The following BTLA variants were observed in gnomAD, a reference collection of about 807,000 sequenced individuals.
The protein encoded by BTLA is B and T lymphocyte associated.
In BTLA, 11 loss-of-function variants were observed where a neutral mutation model predicts 25.0. That is an observed-to-expected ratio of 0.44 (90% CI 0.28 to 0.73). The LOEUF is 0.73. BTLA is among the 30% of genes least tolerant of loss of function. The probability of loss-of-function intolerance (pLI) is 0.15; values close to 1 mark genes in which losing one functional copy is unlikely to be tolerated. For missense variants in BTLA, 282 were observed against 332.8 expected (o/e 0.85, Z 1.19); for synonymous variants, 104 against 119.8 (o/e 0.87, Z 0.86).
intron 3 of BTLA, chr3:112,470,340 A>G (rs2082255647): frequency 6.6e-6 from 1 of 152,138 alleles, no homozygotes; most frequent in Admixed American, 6.6e-5. Context: ...AAGGTTCTGA[A>G]CTCCAGAAGT....
chr3:112,498,112 C>T (rs767922313), intron 1 of BTLA, among the ~76,000 whole-genome samples: 11 of 152,094 alleles, frequency 7.2e-5, no homozygotes, highest in Non-Finnish European at 1.5e-4. Context: ...CTACTTCTTG[C>T]GAAAATGCTC....
At chr3:112,491,730 C>A (rs1019761006) in intron 1 of BTLA, among the ~76,000 whole-genome samples, 8 of 152,192 alleles carry the variant, frequency 5.3e-5, no homozygotes, top group Non-Finnish European at 1.0e-4. Flanking sequence ...TTAGGGAAAT[C>A]ACACAGAAGT....
intron 4 of BTLA, 85 bp downstream of exon 4, chr3:112,469,673 A>G (rs1359275508): frequency 4.4e-6 from 4 of 900,232 alleles, no homozygotes; most frequent in Middle Eastern, 3.2e-4. Context: ...TGCCTGGCAC[A>G]TGGTGTTATA....
chr3:112,474,224 T>G (rs1348766597), intron 2 of BTLA, among the ~76,000 whole-genome samples: 1 of 152,078 alleles, frequency 6.6e-6, no homozygotes, highest in African/African-American at 2.4e-5. Flanking sequence ...CAGGAAAAAA[T>G]AAAATATTTT....
chr3:112,474,966 G>A (rs188944673), intron 2 of BTLA, among the ~76,000 whole-genome samples: 90 of 152,310 alleles, frequency 5.9e-4, no homozygotes, highest in African/African-American at 2.1e-3. Context: ...GGGATGCTAT[G>A]CAAGAGAGTG....
Position 112,499,253 on chromosome 3 carries a change from C to A in BTLA, c.88+18G>T, listed in dbSNP as rs755424918. On this transcript the variant is annotated intron_variant, in intron 1 of 4. Coordinates refer to ENST00000334529, the MANE Select transcript of BTLA (RefSeq NM_181780.4). ...CCCTGAGAAATAAAACCAGAAATAACCTAAGCAGGTGCCTTACCATGGATG... is the reference window on the plus strand; with the variant it reads ...CCCTGAGAAATAAAACCAGAAATAAACTAAGCAGGTGCCTTACCATGGATG... 3 of 1,540,822 alleles carry A rather than the reference C, an allele frequency of 1.9e-6. No homozygotes were observed. Among genetic ancestry groups the A allele is most frequent in the Non-Finnish European group, 2.7e-6 (3 of 1,113,966 alleles).
At chr3:112,486,490 G>T (rs528142804) in intron 1 of BTLA, among the ~76,000 whole-genome samples, 38 of 151,890 alleles carry the variant, frequency 2.5e-4, no homozygotes, top group Non-Finnish European at 3.7e-4. Flanking sequence ...TACAAAAAAA[G>T]AAAAATGCAC....
intron 4 of BTLA, among the ~76,000 whole-genome samples, chr3:112,466,704 T>C (rs1437318274): frequency 6.6e-6 from 1 of 152,134 alleles, no homozygotes; most frequent in Non-Finnish European, 1.5e-5. Flanking sequence ...GCAAAAAATA[T>C]CCTATGAAAA....
chr3:112,484,881 AC>A (rs2082337940), intron 1 of BTLA, among the ~76,000 whole-genome samples: 1 of 152,120 alleles, frequency 6.6e-6, no homozygotes, highest in South Asian at 2.1e-4. Flanking sequence ...GGAGGAATGA[AC>A]CGATGATGAA....
chr3:112,478,696 G>T (rs1001400190), intron 2 of BTLA, among the ~76,000 whole-genome samples: 6 of 152,098 alleles, frequency 3.9e-5, no homozygotes, highest in African/African-American at 7.2e-5. Context: ...TCCATGTCTT[G>T]TTCCTGTTCT....
intron 1 of BTLA, among the ~76,000 whole-genome samples, chr3:112,483,011 T>C (rs2082325513): frequency 6.6e-6 from 1 of 152,166 alleles, no homozygotes; most frequent in South Asian, 2.1e-4. Flanking sequence ...TAATGGTTTA[T>C]GGAGCCTCTA....
chr3:112,472,434 C>T (rs1380424318), intron 2 of BTLA, among the ~76,000 whole-genome samples: 1 of 151,986 alleles, frequency 6.6e-6, no homozygotes, highest in East Asian at 1.9e-4. Flanking sequence ...TGGTGGCTCA[C>T]ACCTGTAATC....
Position 112,494,555 on chromosome 3 carries a change from C to T in BTLA, c.88+4716G>A, listed in dbSNP as rs536828390. 9.9e-5 allele frequency among the ~76,000 whole-genome samples: 15 copies of T among 152,246 alleles called. No individual in the cohort carries two copies. In the East Asian group the frequency reaches 2.3e-3, roughly 23 times the overall value. ...AAAAGAAAATATGGTACATATACAC[C>T]GTGGAATACTATGCAGCCATAAAAA... On this transcript the variant is annotated intron_variant, in intron 1 of 4. Coordinates refer to ENST00000334529, the MANE Select transcript of BTLA (RefSeq NM_181780.4).
chr3:112,473,848 T>C (rs2082276024), intron 2 of BTLA, among the ~76,000 whole-genome samples: 1 of 152,058 alleles, frequency 6.6e-6, no homozygotes, highest in Non-Finnish European at 1.5e-5. Flanking sequence ...ACTCCTGACC[T>C]CAAGTGATTT....
rs1187994602 is a variant in BTLA at position 112,464,736 on chromosome 3, A to G, written c.*1372T>C. On this transcript the variant is annotated 3_prime_UTR_variant, in exon 5 of 5. Coordinates refer to ENST00000334529, the MANE Select transcript of BTLA (RefSeq NM_181780.4). ...TATTTTGAGCTTCATAAGCAAACTG[A>G]AAATATAATGTCAATTTGATCAGTT... is the stretch of plus-strand genomic sequence containing the variant. 6.6e-6 allele frequency: 1 copy of G among 152,100 alleles called. No homozygotes were observed. The highest frequency in any genetic ancestry group is 2.4e-5 in the African/African-American group (1 of 41,404). 9.4% of individuals were successfully genotyped at this position (152,100 alleles called of 1,614,324 possible).
chr3:112,467,365 C>G (rs916554010), intron 4 of BTLA, among the ~76,000 whole-genome samples: 1 of 152,184 alleles, frequency 6.6e-6, no homozygotes, highest in South Asian at 2.1e-4. Flanking sequence ...TTTTCTCACT[C>G]TTCAGTTATT....
rs16859633 is a variant in BTLA at position 112,479,488 on chromosome 3, T to C, written c.370A>G (p.Ile124Val). The change falls in exon 2 of 5, where the codon ATT becomes GTT. Residue 124 changes from isoleucine (I) to valine (V), a missense_variant. This residue lies in a region of BTLA where 163 missense variants were observed against 230.4 expected (regional missense o/e 0.71). Transcript: ENST00000334529. ...RCSANFQSNL[I>V]ESHSTTLYVT... The stretch of plus-strand genomic sequence containing the variant: ...TAAAGAGTTGTTGAGTGGCTTTCAA[T>C]GAGATTAGACTGAAAATTTGCAGAA... 1,370 of 1,613,586 alleles carry C rather than the reference T, an allele frequency of 8.5e-4. 15 individuals are homozygous for C. In the African/African-American group the frequency reaches 0.017, roughly 20 times the overall value.
intron 4 of BTLA, among the ~76,000 whole-genome samples, chr3:112,467,886 C>G (rs1451244018): frequency 6.6e-6 from 1 of 152,230 alleles, no homozygotes; most frequent in Admixed American, 6.5e-5. Flanking sequence ...TCCTGTGATA[C>G]TTTTCAATCT....
chr3:112,467,171 A>G (rs573143248), intron 4 of BTLA, among the ~76,000 whole-genome samples: 1 of 152,226 alleles, frequency 6.6e-6, no homozygotes, highest in African/African-American at 2.4e-5. Context: ...CATTTTAGCC[A>G]GGATGGTCTC....
Sources: allele counts gnomAD v4.1 joint callset (sites outside exome capture counted in the v4.1 genomes callset), GRCh38; gene constraint gnomAD v4.1.1; regional missense constraint gnomAD v4.1.1; transcripts MANE v1.5; gene names NCBI Gene and HGNC (gene_info 2026-07-23, HGNC 2026-07-21).